OR2M3: variants seen among roughly 807,000 people sequenced by gnomAD.
The protein encoded by OR2M3 is olfactory receptor 2M3.
Under a neutral mutation model 4.3 loss-of-function variants are expected in OR2M3, and 1 was observed. That is an observed-to-expected ratio of 0.23 (90% confidence interval 0.08 to 1.11). The LOEUF is 1.11. OR2M3 is among the 50% of genes most tolerant of loss of function. The pLI, the probability that OR2M3 is intolerant of heterozygous loss-of-function variation, is 0.54. For synonymous variants in OR2M3, 151 were observed against 139.4 expected, an observed-to-expected ratio of 1.08 and a Z score of -0.59; for missense variants, 410 against 390.4, an observed-to-expected ratio of 1.05 and a Z score of -0.42.
Position 248,203,412 on chromosome 1 carries a change from G to A in OR2M3, c.345G>A (p.Leu115=), listed in dbSNP as rs996653531. The change falls in exon 2 of 2, where the codon TTG becomes TTA. Residue 115 remains leucine (L), a synonymous_variant. Coordinates refer to ENST00000641626, the MANE Select transcript of OR2M3 (RefSeq NM_001004689.2). ...TSLLGSECFL[L]AVMAYDRYTA... is the part of the protein sequence containing the mutation. ...TGCTTGGCTCTGAGTGCTTTCTTTT[G>A]GCTGTTATGGCTTATGACCGCTACA... The A allele has an allele frequency of 3.1e-6, 5 of 1,613,808 alleles. No individual in the cohort carries two copies. The highest frequency in any genetic ancestry group is 1.7e-5 in the Admixed American group (1 of 59,980).
rs1046242413 is a variant in OR2M3, at chr1:248,209,572, G to A, written c.*5566G>A. The A allele has an allele frequency of 6.6e-6, 1 of 152,074 alleles. No individual in the cohort carries two copies. Among genetic ancestry groups the A allele is most frequent in the Non-Finnish European group, 1.5e-5 (1 of 68,040 alleles). The allele number at this position is 152,074 out of a possible 1,614,324, so 9.4% of individuals were successfully genotyped here. ...TCCTGAGAGCCAAACTGTAGTGGCT[G>A]TCTAGCCACACAGTGGAGCTACCAG... is the stretch of plus-strand genomic sequence containing the variant. On this transcript the variant is annotated 3_prime_UTR_variant, in exon 2 of 2. Transcript: ENST00000641626.
At chr1:248,201,155 C>A (rs74155220) in intron 1 of OR2M3, among the ~76,000 whole-genome samples, 1 of 152,052 alleles carries the variant, frequency 6.6e-6, no homozygotes, top group Non-Finnish European at 1.5e-5. Flanking sequence ...CCACAACATA[C>A]GAGAAACATA....
intron 1 of OR2M3, among the ~76,000 whole-genome samples, chr1:248,201,032 C>A (rs1243773289): frequency 1.3e-5 from 2 of 152,080 alleles, no homozygotes; most frequent in Non-Finnish European, 2.9e-5. Flanking sequence ...AGTCTACTCA[C>A]CAGGCTTCTT....
Position 248,207,631 on chromosome 1 carries a change from G to T in OR2M3, c.*3625G>T, listed in dbSNP as rs1307952871. On this transcript the variant is annotated 3_prime_UTR_variant, in exon 2 of 2. Coordinates refer to ENST00000641626, the MANE Select transcript of OR2M3 (RefSeq NM_001004689.2). ...TGCAAGGTTTTGAGGGTTCCTTTTG[G>T]AGTTGATTTTCAATTTTATTCTACT... 6.6e-6 allele frequency: 1 copy of T among 151,934 alleles called. No homozygotes were observed. The highest frequency in any genetic ancestry group is 2.4e-5 in the African/African-American group (1 of 41,372). The allele number at this position is 151,934 out of a possible 1,614,324, so 9.4% of individuals were successfully genotyped here.
chr1:248,210,629 G>A lies in OR2M3; in HGVS notation c.*6623G>A, dbSNP rs541354207. ...ACTTTGTAATGTCCCCCACCCTTAAGAAGGTTCTTTGTAATCTCCCCCACC... is the reference window on the plus strand; with the variant it reads ...ACTTTGTAATGTCCCCCACCCTTAAAAAGGTTCTTTGTAATCTCCCCCACC... On this transcript the variant is annotated 3_prime_UTR_variant, in exon 2 of 2. Transcript: ENST00000641626. 1 of 148,504 alleles carries A rather than the reference G, an allele frequency of 6.7e-6. No individual in the cohort carries two copies. The highest frequency in any genetic ancestry group is 1.9e-4 in the East Asian group (1 of 5,168). 9.2% of individuals were successfully genotyped at this position (148,504 alleles called of 1,614,324 possible).
rs375262830 is a variant in OR2M3, at chr1:248,203,725, C to G, written c.658C>G (p.Arg220Gly). The G allele has an allele frequency of 1.6e-5, 26 of 1,612,372 alleles. No individual in the cohort carries two copies. In the East Asian group the frequency reaches 4.7e-4, roughly 29 times the overall value. The stretch of plus-strand genomic sequence containing the variant: ...TGCAATCATCATTGCTTCCTATGCT[C>G]GAGTTATCCTGGCTGTCATTCACAT... ...PVAIIIASYARVILAVIHMGS... is the reference protein window; with the variant it reads ...PVAIIIASYAGVILAVIHMGS... The change falls in exon 2 of 2, where the codon CGA becomes GGA. Residue 220 changes from arginine (R) to glycine (G), a missense_variant. By Grantham distance (125) the Arg-to-Gly change is moderately radical. Transcript: ENST00000641626.
In OR2M3 at chr1:248,203,556, A is replaced by G; in HGVS notation, c.489A>G (p.Thr163=). The G allele has an allele frequency of 6.2e-7, 1 of 1,613,326 alleles. No individual in the cohort carries two copies. Among genetic ancestry groups the G allele is most frequent in the Non-Finnish European group, 8.5e-7 (1 of 1,179,714 alleles). Residue 163 remains threonine, a synonymous_variant, in exon 2 of 2, where the codon ACA becomes ACG. Coordinates refer to ENST00000641626, the MANE Select transcript of OR2M3 (RefSeq NM_001004689.2). ...STDGIIDVVA[T]FSFSYCGSRE... is the part of the protein sequence containing the mutation. ...ATGGAATTATTGATGTTGTAGCAAC[A>G]TTTTCCTTCTCCTACTGTGGGTCTC...
At chr1:248,197,688 T>G (rs1433474873) in intron 1 of OR2M3, among the ~76,000 whole-genome samples, 1 of 152,120 alleles carries the variant, frequency 6.6e-6, no homozygotes, top group Non-Finnish European at 1.5e-5. Context: ...TTTAATAATT[T>G]TAGCTCATGC....
Position 248,207,528 on chromosome 1 carries a change from G to T in OR2M3, c.*3522G>T, listed in dbSNP as rs2103015338. On this transcript the variant is annotated 3_prime_UTR_variant, in exon 2 of 2. Transcript: ENST00000641626. ...TGTCACTATTATCATCCAGTTCAAA[G>T]AATTTTTAAATTTCCCTCTTGATTG... The T allele has an allele frequency of 6.6e-6, 1 of 152,156 alleles. No homozygotes were observed. The highest frequency in any genetic ancestry group is 1.9e-4 in the East Asian group (1 of 5,188). The allele number at this position is 152,156 out of a possible 1,614,324, so 9.4% of individuals were successfully genotyped here.
intron 1 of OR2M3, among the ~76,000 whole-genome samples, chr1:248,201,250 A>C (rs1666153502): frequency 6.6e-6 from 1 of 151,904 alleles, no homozygotes; most frequent in African/African-American, 2.4e-5. Context: ...TATGCATTTC[A>C]GTTTGTGGAA....
intron 1 of OR2M3, among the ~76,000 whole-genome samples, chr1:248,201,125 C>A (rs1666152180): frequency 6.6e-6 from 1 of 152,150 alleles, no homozygotes; most frequent in Admixed American, 6.6e-5. Flanking sequence ...ATAATTATCT[C>A]ATACAATAAA....
chr1:248,199,458 C>T (rs1298727625), intron 1 of OR2M3, among the ~76,000 whole-genome samples: 1 of 151,976 alleles, frequency 6.6e-6, no homozygotes, highest in Non-Finnish European at 1.5e-5. Context: ...TTTTATAAGA[C>T]TACATACAAA....
At chr1:248,200,307 G>A (rs543838088) in intron 1 of OR2M3, among the ~76,000 whole-genome samples, 1 of 152,174 alleles carries the variant, frequency 6.6e-6, no homozygotes, top group South Asian at 2.1e-4. Context: ...GTTGAGACGA[G>A]TTATTTTCTT....
Position 248,203,401 on chromosome 1 carries a change from T to G in OR2M3, c.334T>G (p.Cys112Gly), listed in dbSNP as rs1346688608. 2 of 1,614,084 alleles carry G rather than the reference T, an allele frequency of 1.2e-6. No homozygotes were observed. Among genetic ancestry groups the G allele is most frequent in the Admixed American group, 1.7e-5 (1 of 60,004 alleles). Residue 112 changes from cysteine to glycine, a missense_variant, in exon 2 of 2, where the codon TGC becomes GGC. By Grantham distance (159) the Cys-to-Gly change is radical. Coordinates refer to ENST00000641626, the MANE Select transcript of OR2M3 (RefSeq NM_001004689.2). ...CTATACATCACTGCTTGGCTCTGAGTGCTTTCTTTTGGCTGTTATGGCTTA... is the reference window on the plus strand; with the variant it reads ...CTATACATCACTGCTTGGCTCTGAGGGCTTTCTTTTGGCTGTTATGGCTTA... ...FFYTSLLGSE[C>G]FLLAVMAYDR...
Position 248,203,120 on chromosome 1 carries a change from T to C in OR2M3, c.53T>C (p.Phe18Ser). 6.2e-7 allele frequency: 1 copy of C among 1,613,920 alleles called. No homozygotes were observed. The highest frequency in any genetic ancestry group is 8.5e-7 in the Non-Finnish European group (1 of 1,179,916). Residue 18 changes from phenylalanine to serine, a missense_variant, in exon 2 of 2, where the codon TTC becomes TCC. Transcript: ENST00000641626. Reference sequence around the variant, plus strand: ...TCCGACTTCATCCTCCTGGGAATCTTCAATCACAGCCCCACCCACACCTTC... The same window carrying C: ...TCCGACTTCATCCTCCTGGGAATCTCCAATCACAGCCCCACCCACACCTTC... Reference protein sequence around the residue: ...FNSDFILLGIFNHSPTHTFLF... With the variant: ...FNSDFILLGISNHSPTHTFLF...
At position 248,203,881 on chromosome 1, in the gene OR2M3, A is replaced by C. The variant is rs768962729; in HGVS notation, c.814A>C (p.Lys272Gln). 1 of 1,613,844 alleles carries C rather than the reference A, an allele frequency of 6.2e-7. No individual in the cohort carries two copies. The highest frequency in any genetic ancestry group is 8.5e-7 in the Non-Finnish European group (1 of 1,179,870). Reference protein sequence around the residue: ...PTSDRSPTQDKMVSVFYTILT... With the variant: ...PTSDRSPTQDQMVSVFYTILT... ...ATCTGATCGCTCCCCAACACAGGAC[A>C]AGATGGTGTCTGTATTCTACACCAT... The change falls in exon 2 of 2, where the codon AAG becomes CAG. Residue 272 changes from lysine to glutamine, a missense_variant. Lys to Gln is a moderately conservative substitution (Grantham distance 53). Transcript: ENST00000641626.
rs1042495742 is a variant in OR2M3 at position 248,210,269 on chromosome 1, C to G, written c.*6263C>G. 6.6e-6 allele frequency: 1 copy of G among 152,346 alleles called. No homozygotes were observed. Among genetic ancestry groups the G allele is most frequent in the African/African-American group, 2.4e-5 (1 of 41,436 alleles). 9.4% of individuals were successfully genotyped at this position (152,346 alleles called of 1,614,324 possible). ...AGAATTTGCCCCAGACCATGAGCCT[C>G]TCTGTTGAGAAAGCAAACAGACTCA... On this transcript the variant is annotated 3_prime_UTR_variant, in exon 2 of 2. Coordinates refer to ENST00000641626, the MANE Select transcript of OR2M3 (RefSeq NM_001004689.2).
At position 248,207,808 on chromosome 1, in the gene OR2M3, AT is replaced by A. The variant is rs1334575178; in HGVS notation, c.*3803del. The A allele has an allele frequency of 6.6e-6, 1 of 152,042 alleles. No homozygotes were observed. The highest frequency in any genetic ancestry group is 1.5e-5 in the Non-Finnish European group (1 of 67,966). The allele number at this position is 152,042 out of a possible 1,614,324, so 9.4% of individuals were successfully genotyped here. On this transcript the variant is annotated 3_prime_UTR_variant, in exon 2 of 2. Coordinates refer to ENST00000641626, the MANE Select transcript of OR2M3 (RefSeq NM_001004689.2). ...AGTTGCTTAGTAGAATGTTCTGTAAATATCTGTTAATCCCATTTCTTGTAGC... is the reference window on the plus strand; with the variant it reads ...AGTTGCTTAGTAGAATGTTCTGTAAAATCTGTTAATCCCATTTCTTGTAGC...
In OR2M3 at chr1:248,203,100, C is replaced by T. The variant is rs1666176393; in HGVS notation, c.33C>T (p.Asp11=). The change falls in exon 2 of 2, where the codon GAC becomes GAT. Residue 11 remains aspartate (D), a synonymous_variant. Coordinates refer to ENST00000641626, the MANE Select transcript of OR2M3 (RefSeq NM_001004689.2). The part of the protein sequence containing the change: MARENSTFNS[D]FILLGIFNHS... ...GGGAGAATTCGACCTTCAACTCCGACTTCATCCTCCTGGGAATCTTCAATC... is the reference window on the plus strand; with the variant it reads ...GGGAGAATTCGACCTTCAACTCCGATTTCATCCTCCTGGGAATCTTCAATC... The T allele has an allele frequency of 1.9e-6, 3 of 1,613,802 alleles. No homozygotes were observed. The highest frequency in any genetic ancestry group is 1.1e-5 in the South Asian group (1 of 91,030).
Sources: allele counts gnomAD v4.1 joint callset (sites outside exome capture counted in the v4.1 genomes callset), GRCh38; gene constraint gnomAD v4.1.1; transcripts MANE v1.5; gene names NCBI Gene and HGNC (gene_info 2026-07-23, HGNC 2026-07-21).